The following PPP6R2 variants were observed in gnomAD, a reference collection of about 807,000 sequenced individuals.
PPP6R2 encodes serine/threonine-protein phosphatase 6 regulatory subunit 2.
PPP6R2 carries 62 observed loss-of-function variants against 100.2 expected under a neutral mutation model. The observed-to-expected ratio is 0.62, with a 90% CI of 0.50 to 0.76. PPP6R2 has a LOEUF of 0.76. Among genes scored for constraint, PPP6R2 ranks in the 30% least tolerant of loss-of-function variants. The pLI is 0.00. For synonymous variants in PPP6R2, 525 were observed against 514.7 expected, an observed-to-expected ratio of 1.02 and a Z score of -0.27; for missense variants, 1,142 against 1,276.3, an observed-to-expected ratio of 0.89 and a Z score of 1.60.
chr22:50,340,952 C>G (rs2042364047), upstream of PPP6R2, among the ~76,000 whole-genome samples: 1 of 152,022 alleles, frequency 6.6e-6, no homozygotes, highest in African/African-American at 2.4e-5. Context: ...GCTCTGTCGC[C>G]CAGGCTGGAG....
At chr22:50,359,314 C>G (rs1368494386) in intron 1 of PPP6R2, among the ~76,000 whole-genome samples, 2 of 150,332 alleles carry the variant, frequency 1.3e-5, no homozygotes, top group African/African-American at 2.5e-5. Flanking sequence ...TGCCTCCCGG[C>G]TTCATGCCAT....
chr22:50,400,620 G>T (rs2057866228), intron 3 of PPP6R2, among the ~76,000 whole-genome samples: 1 of 152,158 alleles, frequency 6.6e-6, no homozygotes, highest in Admixed American at 6.6e-5. Flanking sequence ...CAGGACAGGG[G>T]ATCCCCAAAG....
rs1321201563 is a variant in PPP6R2 at position 50,372,156 on chromosome 22, A to G, written c.-17+6A>G. 6.6e-6 allele frequency: 1 copy of G among 152,218 alleles called. No individual in the cohort carries two copies. Among genetic ancestry groups the G allele is most frequent in the Non-Finnish European group, 1.5e-5 (1 of 68,046 alleles). The allele number at this position is 152,218 out of a possible 1,614,324, so 9.4% of individuals were successfully genotyped here. On this transcript the variant is annotated splice_donor_region_variant and intron_variant, in intron 2 of 23. Transcript: ENST00000612753. ...ACAAGAGATTTCCACAGAAGGTAAG[A>G]TAAGTTTCTTTTTCAATTTGATTCT...
intron 8 of PPP6R2, among the ~76,000 whole-genome samples, chr22:50,419,923 C>T (rs540200670): frequency 6.6e-5 from 10 of 152,358 alleles, no homozygotes; most frequent in South Asian, 6.2e-4. Flanking sequence ...TGTGCACCCA[C>T]GGGTCGGCAC....
intron 12 of PPP6R2, 53 bp from the exon 13 acceptor site, chr22:50,434,913 G>A: frequency 6.6e-7 from 1 of 1,523,296 alleles, no homozygotes; most frequent in South Asian, 1.2e-5. Context: ...TGGGTCGTGG[G>A]TCTGGCAAGG....
At chr22:50,414,237 G>A (rs1441221512) in intron 4 of PPP6R2, among the ~76,000 whole-genome samples, 1 of 149,078 alleles carries the variant, frequency 6.7e-6, no homozygotes. Flanking sequence ...GAACCAGTAG[G>A]TATTGGATGG....
rs765529157 is a variant in PPP6R2 at position 50,444,100 on chromosome 22, G to A, written c.2814G>A (p.Gly938=). The A allele has an allele frequency of 6.2e-7, 1 of 1,612,630 alleles. No homozygotes were observed. The highest frequency in any genetic ancestry group is 1.1e-5 in the South Asian group (1 of 91,070). Residue 938 remains glycine (G), a synonymous_variant, in exon 23 of 24, where the codon GGG becomes GGA. Transcript: ENST00000612753. Reference sequence around the variant, plus strand: ...CCCCAGCCATGGTGGCCACCCTGGGGACAGTGACAAAGGACGGGTGAGCAG... The same window carrying A: ...CCCCAGCCATGGTGGCCACCCTGGGAACAGTGACAAAGGACGGGTGAGCAG... The part of the protein sequence containing the change: ...TAAPAMVATL[G]TVTKDGKTDA...
At chr22:50,425,945 T>G (rs966232428) in intron 10 of PPP6R2, among the ~76,000 whole-genome samples, 1 of 151,880 alleles carries the variant, frequency 6.6e-6, no homozygotes, top group Non-Finnish European at 1.5e-5. Context: ...ATCAGATATA[T>G]GCAAATATTT....
chr22:50,355,434 T>C (rs2046295029), intron 1 of PPP6R2, among the ~76,000 whole-genome samples: 1 of 151,602 alleles, frequency 6.6e-6, no homozygotes, highest in African/African-American at 2.4e-5. Flanking sequence ...GAGAAGGGGT[T>C]TCACTGTGGT....
intron 14 of PPP6R2, among the ~76,000 whole-genome samples, chr22:50,436,752 T>C (rs2148282901): frequency 6.6e-6 from 1 of 152,262 alleles, no homozygotes; most frequent in South Asian, 2.1e-4. Flanking sequence ...GAGGGCTCCT[T>C]TTGCCTGAGA....
At chr22:50,340,187 GGT>G (rs1198834829), upstream of PPP6R2, among the ~76,000 whole-genome samples, 4 of 139,308 alleles carry the variant, frequency 2.9e-5, no homozygotes, top group Non-Finnish European at 4.7e-5. Context: ...GTGTGTATGT[GGT>G]GTGTGTGTGG....
intron 1 of PPP6R2, among the ~76,000 whole-genome samples, chr22:50,354,175 C>G (rs984080575): frequency 4.6e-5 from 7 of 151,360 alleles, no homozygotes; most frequent in African/African-American, 1.7e-4. Context: ...CATGGTGGCA[C>G]GTGGCTGTAA....
intron 2 of PPP6R2, among the ~76,000 whole-genome samples, chr22:50,387,321 G>A (rs543758872): frequency 1.1e-4 from 16 of 151,932 alleles, no homozygotes; most frequent in African/African-American, 3.9e-4. Context: ...CCTCAGCCTC[G>A]GCCTCCCGAA....
At chr22:50,342,919 G>A (rs1423361555), upstream of PPP6R2, among the ~76,000 whole-genome samples, 1 of 152,138 alleles carries the variant, frequency 6.6e-6, no homozygotes, top group African/African-American at 2.4e-5. Flanking sequence ...CGCGGCCTCT[G>A]GGAGGGGCCT....
intron 2 of PPP6R2, among the ~76,000 whole-genome samples, chr22:50,379,841 C>G (rs1247545055): frequency 6.6e-6 from 1 of 152,186 alleles, no homozygotes; most frequent in Non-Finnish European, 1.5e-5. Context: ...CCACCATACT[C>G]CAGCCTGGGT....
At chr22:50,367,197 G>T (rs375500852) in intron 1 of PPP6R2, among the ~76,000 whole-genome samples, 1 of 152,064 alleles carries the variant, frequency 6.6e-6, no homozygotes, top group East Asian at 1.9e-4. Context: ...CCTGGACAGG[G>T]GAGCGGGGGA....
intron 1 of PPP6R2, among the ~76,000 whole-genome samples, chr22:50,359,412 G>T (rs1189267594): frequency 1.3e-5 from 2 of 151,952 alleles, no homozygotes. Context: ...TAGAGATGGG[G>T]TTTGCCGTGT....
chr22:50,390,502 A>C (rs1376769306), intron 2 of PPP6R2, among the ~76,000 whole-genome samples: 8 of 152,096 alleles, frequency 5.3e-5, no homozygotes, highest in Admixed American at 5.2e-4. Flanking sequence ...ATCATCAAGA[A>C]GACGTAACAG....
intron 1 of PPP6R2, among the ~76,000 whole-genome samples, chr22:50,359,488 A>G (rs1423681332): frequency 2.0e-5 from 3 of 151,952 alleles, no homozygotes; most frequent in Non-Finnish European, 2.9e-5. Context: ...AAGTGCTGGG[A>G]TTACAGGCAT....
Sources: gnomAD v4.1 joint callset for allele counts (sites outside exome capture counted in the v4.1 genomes callset) on GRCh38, gnomAD v4.1.1 for gene constraint, MANE v1.5 for transcripts, NCBI Gene and HGNC (gene_info 2026-07-23, HGNC 2026-07-21) for gene names.